Variants in KCNQ3 observed in about 807,000 individuals in gnomAD.
KCNQ3 encodes potassium voltage-gated channel subfamily Q member 3, also known as potassium voltage-gated channel subfamily KQT member 3.
KCNQ3 carries 30 observed loss-of-function variants against 92.5 expected under a neutral mutation model. The observed-to-expected ratio is 0.32, with a 90% CI of 0.24 to 0.44. KCNQ3 has a LOEUF of 0.44. Ranked by LOEUF, KCNQ3 falls within the 20% of genes least tolerant of loss-of-function variation. The probability of loss-of-function intolerance (pLI) is 1.00; values close to 1 mark genes in which losing one functional copy is unlikely to be tolerated. For synonymous variants in KCNQ3, 450 were observed against 468.8 expected (o/e 0.96, Z 0.52); for missense variants, 913 against 1,140.3 (o/e 0.80, Z 2.87).
intron 1 of KCNQ3, among the ~76,000 whole-genome samples, chr8:132,312,839 G>A (rs1416416301): frequency 2.0e-5 from 3 of 152,184 alleles, no homozygotes; most frequent in Non-Finnish European, 4.4e-5. Flanking sequence ...ATGTGGAACT[G>A]TGAGTCAATT....
chr8:132,204,999 G>A (rs1020495591), intron 1 of KCNQ3, among the ~76,000 whole-genome samples: 2 of 152,104 alleles, frequency 1.3e-5, no homozygotes, highest in African/African-American at 4.8e-5. Context: ...CTTCTCTAAT[G>A]TCCATCCAGG....
intron 1 of KCNQ3, among the ~76,000 whole-genome samples, chr8:132,330,093 C>T (rs550537842): frequency 2.0e-4 from 31 of 152,238 alleles, no homozygotes; most frequent in African/African-American, 7.2e-4. Context: ...TGACAAGCAT[C>T]CTTGTAAGAG....
chr8:132,225,963 A>C (rs1332748139), intron 1 of KCNQ3, among the ~76,000 whole-genome samples: 1 of 152,152 alleles, frequency 6.6e-6, no homozygotes, highest in African/African-American at 2.4e-5. Context: ...CTGCATTCTT[A>C]TTCTAAAAAT....
chr8:132,345,065 G>T (rs1818644581), intron 1 of KCNQ3, among the ~76,000 whole-genome samples: 1 of 152,152 alleles, frequency 6.6e-6, no homozygotes, highest in African/African-American at 2.4e-5. Context: ...GGCATAGATT[G>T]GTGGCCCTAA....
rs532494401 is a variant in KCNQ3 at position 132,305,213 on chromosome 8, C to T, written c.387-119032G>A. 6.6e-5 allele frequency among the ~76,000 whole-genome samples: 10 copies of T among 152,306 alleles called. No individual in the cohort carries two copies. In the East Asian group the frequency reaches 1.9e-3, roughly 29 times the overall value. ...AAACTGATCCAGCCATGACATGTAACACAAATTAGCTCAAAACATTCTTAA... is the reference window on the plus strand; with the variant it reads ...AAACTGATCCAGCCATGACATGTAATACAAATTAGCTCAAAACATTCTTAA... On this transcript the variant is annotated intron_variant, in intron 1 of 14. Transcript: ENST00000388996.
rs145362165 is a variant in KCNQ3 at position 132,424,181 on chromosome 8, A to G, written c.386+55966T>C. Among the ~76,000 whole-genome samples the G allele has an allele frequency of 1.9e-4, 28 of 148,644 alleles. No individual in the cohort carries two copies. In the East Asian group the frequency reaches 6.1e-3, roughly 32 times the overall value. ...GCACAGCAAAGTGAACTAGGGACAGAATCAGCTGCTGCCTCTGAGGGGCGC... is the reference window on the plus strand; with the variant it reads ...GCACAGCAAAGTGAACTAGGGACAGGATCAGCTGCTGCCTCTGAGGGGCGC... On this transcript the variant is annotated intron_variant, in intron 1 of 14. Transcript: ENST00000388996.
intron 1 of KCNQ3, among the ~76,000 whole-genome samples, chr8:132,338,898 T>C (rs1444695743): frequency 6.6e-6 from 1 of 152,204 alleles, no homozygotes; most frequent in Non-Finnish European, 1.5e-5. Context: ...ATGGGGCTTG[T>C]ACAACGTGGG....
In KCNQ3 at chr8:132,166,665, TTTATAA is replaced by T. The variant is rs1376073384; in HGVS notation, c.1236-3177_1236-3172del. Among the ~76,000 whole-genome samples the T allele has an allele frequency of 2.4e-4, 37 of 152,078 alleles. 1 individual carries two copies. Among genetic ancestry groups the T allele is most frequent in the African/African-American group, 7.5e-4 (31 of 41,410 alleles). On this transcript the variant is annotated intron_variant, in intron 8 of 14. Coordinates refer to ENST00000388996, the MANE Select transcript of KCNQ3 (RefSeq NM_004519.4). ...TTCTTTGCAATTCCAAAACAATGAG[TTTATAA>T]TTATAATTTGTAATAAAAAAAATAA... is the stretch of plus-strand genomic sequence containing the variant.
chr8:132,435,463 G>A (rs973863327), intron 1 of KCNQ3, among the ~76,000 whole-genome samples: 2 of 152,146 alleles, frequency 1.3e-5, no homozygotes, highest in Admixed American at 1.3e-4. Context: ...TGGGAATCAG[G>A]ATATTAACCT....
intron 1 of KCNQ3, among the ~76,000 whole-genome samples, chr8:132,455,780 C>T (rs1318685476): frequency 6.6e-6 from 1 of 152,052 alleles, no homozygotes; most frequent in Non-Finnish European, 1.5e-5. Flanking sequence ...CTCGCTCTGT[C>T]GCCCAGGCTG....
At chr8:132,452,203 C>G (rs1392010803) in intron 1 of KCNQ3, among the ~76,000 whole-genome samples, 2 of 152,154 alleles carry the variant, frequency 1.3e-5, no homozygotes, top group Non-Finnish European at 2.9e-5. Flanking sequence ...ACATTTTCAT[C>G]CCCCCAAAAT....
intron 9 of KCNQ3, among the ~76,000 whole-genome samples, chr8:132,162,332 A>C (rs6471047): frequency 0.89 from 136,156 of 152,208 alleles, 61,376 homozygotes; most frequent in Non-Finnish European, 0.95. Flanking sequence ...CGATTTATAA[A>C]CCTGTTGGTC....
chr8:132,241,223 C>A (rs1461461277), intron 1 of KCNQ3, among the ~76,000 whole-genome samples: 1 of 152,014 alleles, frequency 6.6e-6, no homozygotes, highest in Non-Finnish European at 1.5e-5. Flanking sequence ...AACCATTTTA[C>A]AGATGAGAAA....
chr8:132,131,914 C>T (rs1824892445), intron 14 of KCNQ3, among the ~76,000 whole-genome samples: 1 of 151,900 alleles, frequency 6.6e-6, no homozygotes, highest in Non-Finnish European at 1.5e-5. Context: ...ATGGTGAAAC[C>T]CCATCTCTAC....
intron 1 of KCNQ3, among the ~76,000 whole-genome samples, chr8:132,247,500 A>G (rs1815218875): frequency 6.6e-6 from 1 of 152,042 alleles, no homozygotes; most frequent in Non-Finnish European, 1.5e-5. Context: ...AAAAACTGAG[A>G]ATATGGCCGG....
chr8:132,453,313 A>G (rs1275166133), intron 1 of KCNQ3, among the ~76,000 whole-genome samples: 2 of 152,208 alleles, frequency 1.3e-5, no homozygotes, highest in African/African-American at 4.8e-5. Flanking sequence ...GGAAGGCATC[A>G]TCTAGCTCAC....
At chr8:132,233,718 CGG>C (rs1563816933) in intron 1 of KCNQ3, among the ~76,000 whole-genome samples, 1 of 152,184 alleles carries the variant, frequency 6.6e-6, no homozygotes, top group Non-Finnish European at 1.5e-5. Flanking sequence ...TCAGCCTAAA[CGG>C]GTCCCTCATT....
At chr8:132,338,288 G>A (rs1818423808) in intron 1 of KCNQ3, among the ~76,000 whole-genome samples, 1 of 152,130 alleles carries the variant, frequency 6.6e-6, no homozygotes, top group South Asian at 2.1e-4. Flanking sequence ...AAACACCCAG[G>A]TCTGACTTCC....
At chr8:132,277,780 G>A (rs1370382936) in intron 1 of KCNQ3, among the ~76,000 whole-genome samples, 1 of 152,086 alleles carries the variant, frequency 6.6e-6, no homozygotes, top group Admixed American at 6.5e-5. Context: ...CCCTCACCAG[G>A]CTGAGTTCAA....
Sources: gnomAD v4.1 joint callset for allele counts (sites outside exome capture counted in the v4.1 genomes callset) on GRCh38, gnomAD v4.1.1 for gene constraint, MANE v1.5 for transcripts, NCBI Gene and HGNC (gene_info 2026-07-23, HGNC 2026-07-21) for gene names.